FUT8: variants seen among roughly 807,000 people sequenced by gnomAD.
FUT8 encodes the protein alpha-(1,6)-fucosyltransferase.
In FUT8, 29 loss-of-function variants were observed where a neutral mutation model predicts 71.3. The ratio of observed to expected loss-of-function variants is 0.41; its 90% CI spans 0.30 to 0.55. The LOEUF (loss-of-function observed/expected upper bound fraction) is 0.55, where lower values mean the gene tolerates loss of function less well. FUT8 is among the 20% of genes least tolerant of loss of function. The pLI, the probability that FUT8 is intolerant of heterozygous loss-of-function variation, is 0.34. For synonymous variants in FUT8, 254 were observed against 239.3 expected (o/e 1.06, Z -0.57); for missense variants, 544 against 702.1 (o/e 0.77, Z 2.55).
the FUT8 span, among the ~76,000 whole-genome samples, chr14:65,377,895 A>G: frequency 6.6e-6 from 1 of 152,194 alleles, no homozygotes; most frequent in South Asian, 2.1e-4. Context: ...GCTACAGGTT[A>G]TAAGAATAAG....
chr14:65,616,956 T>C (rs1889316740), intron 5 of FUT8: 3 of 1,052,370 alleles, frequency 2.9e-6, no homozygotes, highest in Non-Finnish European at 3.9e-6. Context: ...TAATATGAAG[T>C]TTATCTTCCA....
intron 3 of FUT8, among the ~76,000 whole-genome samples, chr14:65,593,662 G>C (rs1246946562): frequency 6.6e-6 from 1 of 151,560 alleles, no homozygotes; most frequent in Non-Finnish European, 1.5e-5. Context: ...CACAACCTCT[G>C]CCTCCTGGGT....
chr14:65,726,381 C>T (rs1895687609), intron 9 of FUT8, among the ~76,000 whole-genome samples: 1 of 152,164 alleles, frequency 6.6e-6, no homozygotes, highest in South Asian at 2.1e-4. Context: ...GGGCAATTTA[C>T]AAAAGTAAGA....
the FUT8 span, among the ~76,000 whole-genome samples, chr14:65,374,426 C>G: frequency 1.6e-4 from 25 of 152,322 alleles, no homozygotes; most frequent in African/African-American, 6.0e-4. Flanking sequence ...TATACCTCCA[C>G]TTCCCCTGCC....
chr14:65,418,424 A>C (rs766437139), intron 1 of FUT8, among the ~76,000 whole-genome samples: 38 of 152,356 alleles, frequency 2.5e-4, no homozygotes, highest in Middle Eastern at 3.4e-3. Context: ...TTAGAGTATA[A>C]ACAATATTTA....
intron 2 of FUT8, among the ~76,000 whole-genome samples, chr14:65,535,831 C>G (rs1884266407): frequency 6.6e-6 from 1 of 151,978 alleles, no homozygotes; most frequent in Non-Finnish European, 1.5e-5. Context: ...TCCTAAATAT[C>G]TTTGTTAATT....
chr14:65,608,666 A>T (rs1350993609), intron 3 of FUT8, among the ~76,000 whole-genome samples: 3 of 151,964 alleles, frequency 2.0e-5, no homozygotes, highest in Non-Finnish European at 4.4e-5. Context: ...AAAACTTAAC[A>T]TGTAGGCATC....
At chr14:65,630,099 TG>T (rs756229749) in intron 6 of FUT8, among the ~76,000 whole-genome samples, 10 of 152,090 alleles carry the variant, frequency 6.6e-5, no homozygotes, top group Non-Finnish European at 1.3e-4. Flanking sequence ...GGAACCCATA[TG>T]ATAAGTGTGG....
At chr14:65,576,696 C>CTTTTTTTTTTTTTTTTTTTTTTTTTTTT (rs376473739) in intron 3 of FUT8, among the ~76,000 whole-genome samples, 1 of 96,218 alleles carries the variant, frequency 1.0e-5, no homozygotes, top group Non-Finnish European at 1.8e-5. Flanking sequence ...GCCCAGCTTG[C>CTTTTTTTTTTTTTTTTTTTTTTTTTTTT]TTTTTTTTTT....
intron 3 of FUT8, among the ~76,000 whole-genome samples, chr14:65,580,166 CAT>C: frequency 6.7e-6 from 1 of 150,260 alleles, no homozygotes; most frequent in East Asian, 1.9e-4. Context: ...GTATGAACAT[CAT>C]AGAGTATACT....
At chr14:65,578,088 C>G (rs1886889652) in intron 3 of FUT8, among the ~76,000 whole-genome samples, 1 of 151,928 alleles carries the variant, frequency 6.6e-6, no homozygotes. Flanking sequence ...GAATTTTTTT[C>G]TCCCGTATAT....
At chr14:65,695,922 T>C (rs1489546027) in intron 7 of FUT8, among the ~76,000 whole-genome samples, 1 of 152,104 alleles carries the variant, frequency 6.6e-6, no homozygotes, top group Non-Finnish European at 1.5e-5. Context: ...TTCTAGTGGT[T>C]GCCCCAGAGC....
chr14:65,422,332 C>T (rs758009121), intron 1 of FUT8, among the ~76,000 whole-genome samples: 42 of 152,246 alleles, frequency 2.8e-4, no homozygotes, highest in Non-Finnish European at 5.6e-4. Flanking sequence ...TGATCATAAA[C>T]CACACTGCAT....
rs188563903 is a variant in FUT8, at chr14:65,676,823, G to C, written c.835+7343G>C. ...TAAAACATGTGGATCACGTTAGAGT[G>C]ATTCTACAAACAAGATAATTGTTGA... On this transcript the variant is annotated intron_variant, in intron 7 of 10. Transcript: ENST00000673929. 4.9e-4 allele frequency among the ~76,000 whole-genome samples: 74 copies of C among 152,228 alleles called. 1 individual carries two copies. The highest frequency in any genetic ancestry group is 4.6e-3 in the Admixed American group (71 of 15,294).
chr14:65,417,730 A>G (rs1468736064), intron 1 of FUT8, among the ~76,000 whole-genome samples: 1 of 152,196 alleles, frequency 6.6e-6, no homozygotes, highest in Non-Finnish European at 1.5e-5. Context: ...TTATACCAAT[A>G]TAAGGGTAGT....
At chr14:65,737,831 C>G (rs1307975779) in intron 10 of FUT8, among the ~76,000 whole-genome samples, 1 of 152,102 alleles carries the variant, frequency 6.6e-6, no homozygotes, top group Non-Finnish European at 1.5e-5. Flanking sequence ...TCATGAGCCT[C>G]TCTTGGTCTA....
intron 3 of FUT8, 129 bp downstream of exon 3, chr14:65,561,895 G>A: frequency 1.3e-6 from 1 of 751,810 alleles, no homozygotes; most frequent in Non-Finnish European, 2.1e-6. Context: ...AACTTAGCAT[G>A]ACAGTTTTCT....
the FUT8 span, among the ~76,000 whole-genome samples, chr14:65,379,007 T>C: frequency 6.6e-6 from 1 of 151,660 alleles, no homozygotes; most frequent in Non-Finnish European, 1.5e-5. Context: ...CCACCATGCC[T>C]GGCTAATTTT....
intron 2 of FUT8, among the ~76,000 whole-genome samples, chr14:65,527,364 G>C (rs998996738): frequency 6.6e-5 from 10 of 152,264 alleles, no homozygotes; most frequent in African/African-American, 2.4e-4. Context: ...ATCAGCTACT[G>C]AAGCTTGTGC....
Sources: allele counts gnomAD v4.1 joint callset (sites outside exome capture counted in the v4.1 genomes callset), GRCh38; gene constraint gnomAD v4.1.1; transcripts MANE v1.5; gene names NCBI Gene and HGNC (gene_info 2026-07-23, HGNC 2026-07-21).